The following ZNF804A variants were observed in gnomAD, a reference collection of about 807,000 sequenced individuals.
ZNF804A encodes the protein zinc finger protein 804A.
In ZNF804A, 2 loss-of-function variants were observed where a neutral mutation model predicts 16.5. The ratio of observed to expected loss-of-function variants is 0.12; its 90% confidence interval spans 0.05 to 0.38. ZNF804A has a LOEUF of 0.38. Among genes scored for constraint, ZNF804A ranks in the 10% least tolerant of loss-of-function variants. The pLI, the probability that ZNF804A is intolerant of heterozygous loss-of-function variation, is 0.99. For synonymous variants in ZNF804A, 534 were observed against 489.6 expected (o/e 1.09, Z -1.20); for missense variants, 1,473 against 1,390.7 (o/e 1.06, Z -0.94).
intron 1 of ZNF804A, among the ~76,000 whole-genome samples, chr2:184,607,740 T>C (rs909866337): frequency 6.6e-6 from 1 of 152,080 alleles, no homozygotes; most frequent in Non-Finnish European, 1.5e-5. Context: ...GAGCTTTAAA[T>C]TGAGATATAT....
At chr2:184,760,011 G>T (rs1559143418) in intron 1 of ZNF804A, among the ~76,000 whole-genome samples, 1 of 152,072 alleles carries the variant, frequency 6.6e-6, no homozygotes, top group Non-Finnish European at 1.5e-5. Context: ...ATAGGGACGT[G>T]AACTCGCTGA....
intron 1 of ZNF804A, among the ~76,000 whole-genome samples, chr2:184,793,105 C>T (rs1242801945): frequency 6.6e-6 from 1 of 152,074 alleles, no homozygotes; most frequent in Non-Finnish European, 1.5e-5. Flanking sequence ...TCATGATTCC[C>T]TTCTTTTTTT....
chr2:184,771,607 AAAAG>A (rs1448278127), intron 1 of ZNF804A, among the ~76,000 whole-genome samples: 5 of 151,112 alleles, frequency 3.3e-5, no homozygotes, highest in Non-Finnish European at 4.4e-5. Context: ...ATAAAAAAAA[AAAAG>A]AAGATGTCTA....
intron 1 of ZNF804A, among the ~76,000 whole-genome samples, chr2:184,801,013 G>A (rs1312386668): frequency 6.6e-6 from 1 of 151,822 alleles, no homozygotes; most frequent in African/African-American, 2.4e-5. Flanking sequence ...AAGTCTATTG[G>A]TGATGACTTT....
chr2:184,870,593 T>C (rs1255636970), intron 2 of ZNF804A, among the ~76,000 whole-genome samples: 1 of 152,030 alleles, frequency 6.6e-6, no homozygotes, highest in Non-Finnish European at 1.5e-5. Context: ...CCATGTGCCA[T>C]TCAAGTCGTT....
At chr2:184,859,462 C>A (rs1695757707) in intron 1 of ZNF804A, among the ~76,000 whole-genome samples, 1 of 151,574 alleles carries the variant, frequency 6.6e-6, no homozygotes, top group East Asian at 1.9e-4. Flanking sequence ...ATTATTGATT[C>A]TTTATTAAAT....
At chr2:184,935,458 A>G in intron 3 of ZNF804A, among the ~76,000 whole-genome samples, 1 of 152,194 alleles carries the variant, frequency 6.6e-6, no homozygotes, top group East Asian at 1.9e-4. Flanking sequence ...TAGACAATAC[A>G]ACACTTCAAA....
chr2:184,823,411 C>T (rs1024638741), intron 1 of ZNF804A, among the ~76,000 whole-genome samples: 2 of 152,112 alleles, frequency 1.3e-5, no homozygotes, highest in Non-Finnish European at 2.9e-5. Flanking sequence ...TAGAAGTTCT[C>T]TGATCACAGA....
intron 1 of ZNF804A, among the ~76,000 whole-genome samples, chr2:184,645,188 C>A (rs1395961600): frequency 6.6e-6 from 1 of 152,034 alleles, no homozygotes; most frequent in Non-Finnish European, 1.5e-5. Flanking sequence ...TCTATAGTTT[C>A]ATTTGTATTA....
chr2:184,808,061 C>A (rs539718610), intron 1 of ZNF804A, among the ~76,000 whole-genome samples: 1 of 151,420 alleles, frequency 6.6e-6, no homozygotes, highest in South Asian at 2.1e-4. Context: ...TATTCCTTAA[C>A]TTTATGGGAT....
At chr2:184,813,976 A>G (rs1694937097) in intron 1 of ZNF804A, among the ~76,000 whole-genome samples, 1 of 98,848 alleles carries the variant, frequency 1.0e-5, no homozygotes, top group Non-Finnish European at 2.1e-5. Context: ...ACTTTAGGGC[A>G]TGTTTGAGAA....
intron 2 of ZNF804A, among the ~76,000 whole-genome samples, chr2:184,876,570 T>C (rs1684683259): frequency 6.6e-6 from 1 of 152,190 alleles, no homozygotes; most frequent in Non-Finnish European, 1.5e-5. Context: ...TTTACATATA[T>C]ATAGCTAATT....
chr2:184,894,038 T>A (rs1040441952), intron 2 of ZNF804A, among the ~76,000 whole-genome samples: 4 of 152,114 alleles, frequency 2.6e-5, no homozygotes, highest in African/African-American at 7.2e-5. Context: ...CTTCCAATTT[T>A]TTATCATTTT....
chr2:184,792,157 T>C (rs1355077832), intron 1 of ZNF804A, among the ~76,000 whole-genome samples: 1 of 152,134 alleles, frequency 6.6e-6, no homozygotes, highest in Admixed American at 6.6e-5. Flanking sequence ...GGCTTAAGCT[T>C]TTGGTTCATT....
At chr2:184,623,878 T>G (rs1315769637) in intron 1 of ZNF804A, among the ~76,000 whole-genome samples, 2 of 152,180 alleles carry the variant, frequency 1.3e-5, no homozygotes, top group African/African-American at 4.8e-5. Context: ...TTACTCAGAT[T>G]ATAACATTCC....
At chr2:184,631,418 C>T (rs573440014) in intron 1 of ZNF804A, among the ~76,000 whole-genome samples, 1 of 152,124 alleles carries the variant, frequency 6.6e-6, no homozygotes, top group Admixed American at 6.5e-5. Context: ...AATGTTATGC[C>T]GGCTTCATTA....
intron 1 of ZNF804A, among the ~76,000 whole-genome samples, chr2:184,737,951 C>T (rs1021617294): frequency 6.6e-6 from 1 of 151,842 alleles, no homozygotes; most frequent in Admixed American, 6.6e-5. Flanking sequence ...TGGAGAAACC[C>T]TGCCTCTACT....
intron 1 of ZNF804A, among the ~76,000 whole-genome samples, chr2:184,622,028 A>G (rs1379326379): frequency 6.6e-6 from 1 of 151,772 alleles, no homozygotes; most frequent in African/African-American, 2.4e-5. Flanking sequence ...ATTTCCAGGC[A>G]TTTTATTTGT....
chr2:184,619,838 G>A (rs1574134366), intron 1 of ZNF804A, among the ~76,000 whole-genome samples: 1 of 151,912 alleles, frequency 6.6e-6, no homozygotes, highest in East Asian at 1.9e-4. Context: ...AAATACAGCA[G>A]AGAAGTCAGT....
Sources: allele counts gnomAD v4.1 joint callset (sites outside exome capture counted in the v4.1 genomes callset), GRCh38; gene constraint gnomAD v4.1.1; transcripts MANE v1.5; gene names NCBI Gene and HGNC (gene_info 2026-07-23, HGNC 2026-07-21).